Variants in SORCS2 observed in about 807,000 individuals in gnomAD.
The protein encoded by SORCS2 is VPS10 domain-containing receptor SorCS2.
A neutral mutation model predicts 141.6 loss-of-function variants in SORCS2; 100 were observed. The observed-to-expected ratio is 0.71, with a 90% CI of 0.60 to 0.83. SORCS2 has a LOEUF of 0.83. Among genes scored for constraint, SORCS2 ranks in the 40% least tolerant of loss-of-function variants. The pLI, the probability that SORCS2 is intolerant of heterozygous loss-of-function variation, is 0.00. For missense variants in SORCS2, 1,646 were observed against 1,560.2 expected (o/e 1.05, Z -0.93); for synonymous variants, 789 against 676.9 (o/e 1.17, Z -2.57).
chr4:7,426,251 C>G (rs1415050203), intron 2 of SORCS2, among the ~76,000 whole-genome samples: 1 of 149,506 alleles, frequency 6.7e-6, no homozygotes, highest in African/African-American at 2.5e-5. Flanking sequence ...GACATTTTTC[C>G]CCACCCTCAA....
intron 3 of SORCS2, among the ~76,000 whole-genome samples, chr4:7,545,590 G>A (rs1713194405): frequency 6.6e-6 from 1 of 152,208 alleles, no homozygotes. Flanking sequence ...GACCCATTCA[G>A]GATCCCAAGT....
intron 3 of SORCS2, among the ~76,000 whole-genome samples, chr4:7,570,491 T>C (rs1715316398): frequency 6.6e-6 from 1 of 152,202 alleles, no homozygotes; most frequent in East Asian, 1.9e-4. Context: ...AGGACCTTGG[T>C]GTGTGTCCCC....
chr4:7,410,949 C>CATTT (rs777075538), intron 2 of SORCS2, among the ~76,000 whole-genome samples: 1 of 73,842 alleles, frequency 1.4e-5, no homozygotes, highest in African/African-American at 5.1e-5. Flanking sequence ...TCTCTCCATC[C>CATTT]TTTTTTTTTT....
intron 3 of SORCS2, among the ~76,000 whole-genome samples, chr4:7,587,401 A>G (rs1292333646): frequency 6.6e-6 from 1 of 152,088 alleles, no homozygotes; most frequent in East Asian, 1.9e-4. Context: ...TGACCCTCAC[A>G]CACCTGCCAC....
chr4:7,373,694 G>T (rs540733972), intron 1 of SORCS2, among the ~76,000 whole-genome samples: 2 of 151,030 alleles, frequency 1.3e-5, no homozygotes, highest in African/African-American at 4.9e-5. Context: ...GTTTCACCAT[G>T]TTGGCCAGGC....
At chr4:7,316,213 T>C (rs1204724890) in intron 1 of SORCS2, among the ~76,000 whole-genome samples, 1 of 96,728 alleles carries the variant, frequency 1.0e-5, no homozygotes, top group African/African-American at 3.3e-5. Context: ...TAGCTTTCCT[T>C]CCATCCATCC....
At chr4:7,727,889 A>C (rs532986567) in intron 21 of SORCS2, among the ~76,000 whole-genome samples, 10 of 152,328 alleles carry the variant, frequency 6.6e-5, no homozygotes, top group Non-Finnish European at 1.0e-4. Context: ...TCTGCTCTCA[A>C]GGGACTCTTA....
At chr4:7,244,903 T>C (rs1712974415) in intron 1 of SORCS2, among the ~76,000 whole-genome samples, 1 of 152,132 alleles carries the variant, frequency 6.6e-6, no homozygotes, top group African/African-American at 2.4e-5. Flanking sequence ...TGGACCTGAG[T>C]ACCCAGCCCA....
At position 7,733,354 on chromosome 4, in the gene SORCS2, A is replaced by G; in HGVS notation, c.3141A>G (p.Ala1047=). 2.5e-6 allele frequency: 4 copies of G among 1,575,262 alleles called. No individual in the cohort carries two copies. Among genetic ancestry groups the G allele is most frequent in the Non-Finnish European group, 3.4e-6 (4 of 1,161,810 alleles). The part of the protein sequence containing the change: ...RLAAIQQVLN[A]QKISFLLRGG... ...CCGCCATCCAGCAGGTGCTGAACGC[A>G]CAGAAGATCAGCTTCCTCCTGCGAG... Residue 1047 remains alanine (A), a synonymous_variant, in exon 24 of 27, where the codon GCA becomes GCG. Coordinates refer to ENST00000507866, the MANE Select transcript of SORCS2 (RefSeq NM_020777.3).
chr4:7,734,057 A>G (rs2148898766), intron 24 of SORCS2, among the ~76,000 whole-genome samples: 1 of 150,374 alleles, frequency 6.7e-6, no homozygotes, highest in East Asian at 2.0e-4. Context: ...GGGGGACAGG[A>G]AGAGGTCAAG....
chr4:7,605,756 C>A (rs1005086295), intron 3 of SORCS2, among the ~76,000 whole-genome samples: 4 of 152,098 alleles, frequency 2.6e-5, no homozygotes, highest in African/African-American at 7.2e-5. Context: ...CCCACACATT[C>A]ATCACATACC....
chr4:7,421,445 A>G (rs1310117357), intron 2 of SORCS2, among the ~76,000 whole-genome samples: 1 of 152,190 alleles, frequency 6.6e-6, no homozygotes, highest in Non-Finnish European at 1.5e-5. Flanking sequence ...CATCTGTGAT[A>G]ATAGAGTTGC....
intron 1 of SORCS2, among the ~76,000 whole-genome samples, chr4:7,300,206 C>T (rs983261746): frequency 1.3e-5 from 2 of 152,068 alleles, no homozygotes; most frequent in African/African-American, 4.8e-5. Context: ...CAGTCACTGC[C>T]AGGAGAGCTT....
At chr4:7,487,766 T>A (rs1731081260) in intron 2 of SORCS2, among the ~76,000 whole-genome samples, 1 of 152,154 alleles carries the variant, frequency 6.6e-6, no homozygotes, top group African/African-American at 2.4e-5. Context: ...CTTCTCTGCA[T>A]CTCTTTCTCT....
intron 5 of SORCS2, among the ~76,000 whole-genome samples, chr4:7,654,524 G>A (rs922628624): frequency 2.0e-5 from 3 of 152,238 alleles, no homozygotes; most frequent in East Asian, 3.9e-4. Flanking sequence ...TTCCCTCCCC[G>A]AGCCTCACAG....
intron 3 of SORCS2, among the ~76,000 whole-genome samples, chr4:7,564,448 G>C (rs1184157178): frequency 1.3e-5 from 2 of 152,208 alleles, no homozygotes; most frequent in Non-Finnish European, 2.9e-5. Flanking sequence ...AGTCATGTTG[G>C]ATTGGGGCCC....
At position 7,726,539 on chromosome 4, in the gene SORCS2, A is replaced by T. The variant is rs187804432; in HGVS notation, c.2746-241A>T. Among the ~76,000 whole-genome samples, 1,190 of 152,222 alleles carry T rather than the reference A, an allele frequency of 7.8e-3. 18 individuals are homozygous for T. The highest frequency in any genetic ancestry group is 0.01 in the Middle Eastern group (3 of 294). On this transcript the variant is annotated intron_variant, in intron 20 of 26. Coordinates refer to ENST00000507866, the MANE Select transcript of SORCS2 (RefSeq NM_020777.3). ...CAGTGAGCCAAGATTGCGCCACTGC[A>T]CTCCAGCCTGGGCAACAGAACAAGA... is the stretch of plus-strand genomic sequence containing the variant.
At chr4:7,402,268 A>C (rs1724640451) in intron 2 of SORCS2, among the ~76,000 whole-genome samples, 1 of 152,132 alleles carries the variant, frequency 6.6e-6, no homozygotes, top group South Asian at 2.1e-4. Context: ...ACCCACCCTC[A>C]CCACCCACCT....
At chr4:7,611,579 C>T (rs1718408476) in intron 3 of SORCS2, among the ~76,000 whole-genome samples, 1 of 152,106 alleles carries the variant, frequency 6.6e-6, no homozygotes, top group South Asian at 2.1e-4. Flanking sequence ...AAGGTGAGCC[C>T]CAAGAAGTGG....
Sources: allele counts gnomAD v4.1 joint callset (sites outside exome capture counted in the v4.1 genomes callset), GRCh38; gene constraint gnomAD v4.1.1; transcripts MANE v1.5; gene names NCBI Gene and HGNC (gene_info 2026-07-23, HGNC 2026-07-21).